BLTP1: variants seen among roughly 807,000 people sequenced by gnomAD.
BLTP1 encodes fragile site-associated protein.
chr4:122,358,845 A>G, the BLTP1 span, among the ~76,000 whole-genome samples: 1 of 152,148 alleles, frequency 6.6e-6, no homozygotes, highest in Non-Finnish European at 1.5e-5. Context: ...AAAAACTGCA[A>G]TTACTTTTGC....
chr4:122,244,063 A>G, the BLTP1 span: 1 of 1,532,900 alleles, frequency 6.5e-7, no homozygotes, highest in South Asian at 1.3e-5. Flanking sequence ...CTGTTGCTTT[A>G]TACAATGATT....
At chr4:122,342,912 G>A in the BLTP1 span, among the ~76,000 whole-genome samples, 6 of 152,134 alleles carry the variant, frequency 3.9e-5, no homozygotes, top group Non-Finnish European at 7.4e-5. Flanking sequence ...GAATTTACCT[G>A]TCCATCCCTA....
chr4:122,301,690 T>C, the BLTP1 span, among the ~76,000 whole-genome samples: 204 of 152,338 alleles, frequency 1.3e-3, no homozygotes, highest in Middle Eastern at 3.4e-3. Context: ...GTATTGTATG[T>C]TGTACAGTTG....
chr4:122,286,675 T>C, the BLTP1 span: 1 of 1,614,016 alleles, frequency 6.2e-7, no homozygotes, highest in Non-Finnish European at 8.5e-7. Flanking sequence ...GTCAGGGAAA[T>C]ATATAATGGA....
the BLTP1 span, chr4:122,246,827 T>G: frequency 2.5e-6 from 4 of 1,608,982 alleles, no homozygotes. Context: ...AATACTTTAT[T>G]AATCTGAGCC....
chr4:122,218,929 T>C, the BLTP1 span, among the ~76,000 whole-genome samples: 2 of 152,220 alleles, frequency 1.3e-5, no homozygotes, highest in Non-Finnish European at 2.9e-5. Flanking sequence ...AGTTACCTAA[T>C]TGAATTTAGC....
the BLTP1 span, among the ~76,000 whole-genome samples, chr4:122,175,583 CAT>C: frequency 6.6e-6 from 1 of 152,082 alleles, no homozygotes; most frequent in Non-Finnish European, 1.5e-5. Flanking sequence ...TATTTCAAAA[CAT>C]GTTGTATATG....
At chr4:122,242,934 C>A in the BLTP1 span, 2 of 954,258 alleles carry the variant, frequency 2.1e-6, no homozygotes, top group South Asian at 1.5e-5. Context: ...TTACATATAT[C>A]AGTTGATATC....
At chr4:122,335,956 CTG>C in the BLTP1 span, 2 of 343,662 alleles carry the variant, frequency 5.8e-6, no homozygotes, top group African/African-American at 4.2e-5. Flanking sequence ...AGCTGAAAAA[CTG>C]GACCAAAACT....
chr4:122,283,260 A>G, the BLTP1 span, among the ~76,000 whole-genome samples: 2 of 141,914 alleles, frequency 1.4e-5, no homozygotes, highest in Non-Finnish European at 1.5e-5. Context: ...ACCAGTGATC[A>G]TTGTATATAA....
At chr4:122,309,158 T>C in the BLTP1 span, 1 of 1,431,714 alleles carries the variant, frequency 7.0e-7, no homozygotes, top group Non-Finnish European at 9.3e-7. Flanking sequence ...AATGAACATA[T>C]CTAGGCTTGA....
At chr4:122,267,162 C>T in the BLTP1 span, among the ~76,000 whole-genome samples, 1 of 147,734 alleles carries the variant, frequency 6.8e-6, no homozygotes, top group Admixed American at 6.8e-5. Context: ...GGGTTCATGC[C>T]ATTCTCCTGC....
chr4:122,343,796 A>G, the BLTP1 span: 1 of 431,818 alleles, frequency 2.3e-6, no homozygotes, highest in Non-Finnish European at 3.1e-6. Flanking sequence ...AGGTGAATTA[A>G]TTATACAAGA....
the BLTP1 span, chr4:122,270,348 C>T: frequency 1.0e-6 from 1 of 984,480 alleles, no homozygotes; most frequent in African/African-American, 1.8e-5. Context: ...GGAAAAATAC[C>T]TTTTTACAGT....
the BLTP1 span, chr4:122,243,527 G>A: frequency 1.2e-4 from 85 of 703,880 alleles, no homozygotes; most frequent in African/African-American, 1.4e-3. Flanking sequence ...GATCACTTGA[G>A]GTCAGGAATT....
the BLTP1 span, among the ~76,000 whole-genome samples, chr4:122,279,258 TG>T: frequency 1.9e-3 from 289 of 152,286 alleles, 1 homozygote; most frequent in African/African-American, 6.8e-3. Flanking sequence ...TGTTAATTGT[TG>T]GTCCTCTTCA....
chr4:122,359,400 G>A, the BLTP1 span: 1 of 915,634 alleles, frequency 1.1e-6, no homozygotes, highest in Non-Finnish European at 1.3e-6. Context: ...TCAATAATTG[G>A]TACTTATGGC....
At chr4:122,288,988 A>AT in the BLTP1 span, 2 of 1,292,248 alleles carry the variant, frequency 1.5e-6, no homozygotes, top group Non-Finnish European at 2.1e-6. Context: ...TCATATAGAG[A>AT]TAATTATCTC....
chr4:122,269,715 C>G, the BLTP1 span: 1 of 981,952 alleles, frequency 1.0e-6, no homozygotes, highest in Non-Finnish European at 1.2e-6. Flanking sequence ...ATGTATAACT[C>G]TCCTACTACT....
Sources: allele counts gnomAD v4.1 joint callset (sites outside exome capture counted in the v4.1 genomes callset), GRCh38; gene constraint gnomAD v4.1.1; transcripts MANE v1.5; gene names NCBI Gene and HGNC (gene_info 2026-07-23, HGNC 2026-07-21).